The following CFAP299 variants were observed in gnomAD, a reference collection of about 807,000 sequenced individuals.
CFAP299 encodes the protein cilia- and flagella-associated protein 299.
A neutral mutation model predicts 27.0 loss-of-function variants in CFAP299; 21 were observed. The ratio of observed to expected loss-of-function variants is 0.78; its 90% CI spans 0.55 to 1.12. The LOEUF (loss-of-function observed/expected upper bound fraction) is 1.12, where lower values mean the gene tolerates loss of function less well. Among genes scored for constraint, CFAP299 ranks in the 50% most tolerant of loss-of-function variants. CFAP299 has a pLI of 0.00. For missense variants in CFAP299, 310 were observed against 276.6 expected, an observed-to-expected ratio of 1.12 and a Z score of -0.86; for synonymous variants, 104 against 98.1, an observed-to-expected ratio of 1.06 and a Z score of -0.36.
At chr4:80,663,624 T>A (rs1577990060) in intron 3 of CFAP299, among the ~76,000 whole-genome samples, 1 of 152,184 alleles carries the variant, frequency 6.6e-6, no homozygotes, top group Admixed American at 6.5e-5. Flanking sequence ...ATAGTAGAAT[T>A]ATTTATAATC....
chr4:80,425,126 C>T (rs1241843922), intron 2 of CFAP299, among the ~76,000 whole-genome samples: 1 of 152,066 alleles, frequency 6.6e-6, no homozygotes, highest in Non-Finnish European at 1.5e-5. Flanking sequence ...AAATTTAATC[C>T]CCAATGCAAC....
chr4:80,470,685 TA>T (rs1196022289), intron 2 of CFAP299, among the ~76,000 whole-genome samples: 5 of 152,180 alleles, frequency 3.3e-5, no homozygotes. Flanking sequence ...TAGCATGACA[TA>T]CTATTCATGA....
rs941485920 is a variant in CFAP299, at chr4:80,602,307, G to T, written c.333+19124G>T. Among the ~76,000 whole-genome samples the T allele has an allele frequency of 9.2e-5, 14 of 152,104 alleles. No homozygotes were observed. In the East Asian group the frequency reaches 1.2e-3, roughly 13 times the overall value. ...CTAGATATGAGCTTTTTAATGCCAGGCTACTTGTCAAGAATGCTTGCAATC... is the reference window on the plus strand; with the variant it reads ...CTAGATATGAGCTTTTTAATGCCAGTCTACTTGTCAAGAATGCTTGCAATC... On this transcript the variant is annotated intron_variant, in intron 3 of 5. Transcript: ENST00000358105.
At chr4:80,592,567 TAAGA>T (rs1285973960) in intron 3 of CFAP299, among the ~76,000 whole-genome samples, 3 of 152,178 alleles carry the variant, frequency 2.0e-5, no homozygotes, top group South Asian at 4.1e-4. Context: ...GAGGGCCTCA[TAAGA>T]AAGTTTTTAA....
chr4:80,545,549 T>C (rs34111459), intron 2 of CFAP299, among the ~76,000 whole-genome samples: 26,085 of 152,058 alleles, frequency 0.17, 3,125 homozygotes, highest in African/African-American at 0.33. Flanking sequence ...TGAACCAGAA[T>C]GAAATTAAAA....
intron 2 of CFAP299, among the ~76,000 whole-genome samples, chr4:80,550,748 G>A (rs963645138): frequency 1.4e-5 from 2 of 143,610 alleles, no homozygotes; most frequent in South Asian, 4.5e-4. Flanking sequence ...GTACTTAAAG[G>A]TATTAACTCA....
chr4:80,767,135 G>GT (rs1480183795), intron 3 of CFAP299, among the ~76,000 whole-genome samples: 2 of 151,832 alleles, frequency 1.3e-5, no homozygotes, highest in Non-Finnish European at 2.9e-5. Flanking sequence ...TACATACATT[G>GT]TATGTATTTT....
At chr4:80,384,203 C>T (rs1347906050) in intron 2 of CFAP299, among the ~76,000 whole-genome samples, 3 of 152,114 alleles carry the variant, frequency 2.0e-5, no homozygotes, top group Non-Finnish European at 4.4e-5. Context: ...ATCTGTTCTA[C>T]TACCTGATTA....
At chr4:80,545,710 A>G (rs1366615474) in intron 2 of CFAP299, among the ~76,000 whole-genome samples, 4 of 152,206 alleles carry the variant, frequency 2.6e-5, no homozygotes, top group South Asian at 2.1e-4. Flanking sequence ...ATTGCAAAAA[A>G]TCAAGGAGGA....
At chr4:80,759,533 G>C (rs1003072398) in intron 3 of CFAP299, among the ~76,000 whole-genome samples, 4 of 152,064 alleles carry the variant, frequency 2.6e-5, no homozygotes, top group Non-Finnish European at 4.4e-5. Context: ...TTTTATTGTT[G>C]TATTTTTCTC....
chr4:80,924,219 A>C (rs1560478683), intron 4 of CFAP299, among the ~76,000 whole-genome samples: 2 of 151,980 alleles, frequency 1.3e-5, no homozygotes, highest in African/African-American at 4.8e-5. Flanking sequence ...ACTTTTGTTC[A>C]CATTTATCCA....
At chr4:80,895,497 G>A (rs1259077378) in intron 4 of CFAP299, among the ~76,000 whole-genome samples, 2 of 151,924 alleles carry the variant, frequency 1.3e-5, no homozygotes, top group Non-Finnish European at 2.9e-5. Flanking sequence ...TTTGTTTTCT[G>A]AATATATGCC....
intron 3 of CFAP299, among the ~76,000 whole-genome samples, chr4:80,734,890 A>G: frequency 6.6e-6 from 1 of 151,922 alleles, no homozygotes; most frequent in East Asian, 1.9e-4. Flanking sequence ...AAGCCAGATA[A>G]TGTGACTTTG....
chr4:80,461,553 T>C (rs556381491), intron 2 of CFAP299, among the ~76,000 whole-genome samples: 1 of 152,282 alleles, frequency 6.6e-6, no homozygotes, highest in South Asian at 2.1e-4. Flanking sequence ...TTGCTGGTCA[T>C]CTGCGCCTGA....
chr4:80,576,193 A>ATATATATATATATAT (rs1264207681), intron 2 of CFAP299, among the ~76,000 whole-genome samples: 11 of 33,288 alleles, frequency 3.3e-4, no homozygotes, highest in Admixed American at 1.3e-3. Context: ...ATAATAAAAA[A>ATATATATATATATAT]AAAAATATAT....
At chr4:80,681,222 T>C (rs1719817148) in intron 3 of CFAP299, among the ~76,000 whole-genome samples, 1 of 152,140 alleles carries the variant, frequency 6.6e-6, no homozygotes, top group Non-Finnish European at 1.5e-5. Flanking sequence ...CTCTCTCTAT[T>C]GAATATGTAC....
chr4:80,846,068 A>G (rs1731166331), intron 3 of CFAP299, among the ~76,000 whole-genome samples: 1 of 152,126 alleles, frequency 6.6e-6, no homozygotes, highest in Non-Finnish European at 1.5e-5. Flanking sequence ...TTCTGGAAAT[A>G]CCAAGATAAA....
At chr4:80,854,297 C>A (rs931082059) in intron 3 of CFAP299, among the ~76,000 whole-genome samples, 1 of 152,030 alleles carries the variant, frequency 6.6e-6, no homozygotes, top group African/African-American at 2.4e-5. Context: ...GCTATTTCAG[C>A]AGAGTGCTGC....
At chr4:80,597,114 A>G (rs1737096544) in intron 3 of CFAP299, among the ~76,000 whole-genome samples, 1 of 152,144 alleles carries the variant, frequency 6.6e-6, no homozygotes, top group Admixed American at 6.5e-5. Context: ...CATAGGACCT[A>G]TGTATGTTCA....
Sources: gnomAD v4.1 joint callset for allele counts (sites outside exome capture counted in the v4.1 genomes callset) on GRCh38, gnomAD v4.1.1 for gene constraint, MANE v1.5 for transcripts, NCBI Gene and HGNC (gene_info 2026-07-23, HGNC 2026-07-21) for gene names.